Variants in MINDY3 observed in about 807,000 individuals in gnomAD.
MINDY3 encodes MINDY lysine 48 deubiquitinase 3.
MINDY3 carries 38 observed loss-of-function variants against 69.2 expected under a neutral mutation model. That is an observed-to-expected ratio of 0.55 (90% CI 0.42 to 0.72). The LOEUF (loss-of-function observed/expected upper bound fraction) is 0.72. MINDY3 is among the 30% of genes least tolerant of loss of function. MINDY3 has a pLI of 0.00. For missense variants in MINDY3, 522 were observed against 519.0 expected (o/e 1.01, Z -0.06); for synonymous variants, 192 against 180.1 (o/e 1.07, Z -0.53).
intron 14 of MINDY3, 140 bp from the exon 15 acceptor site, chr10:15,779,281 A>G (rs1222340935): frequency 8.2e-6 from 5 of 606,808 alleles, no homozygotes; most frequent in East Asian, 6.2e-5. Context: ...TTATTTTGCT[A>G]GAAATGAGAA....
At chr10:15,816,995 A>T in intron 9 of MINDY3, 80 bp from the exon 10 acceptor site, 1 of 1,035,742 alleles carries the variant, frequency 9.7e-7, no homozygotes, top group South Asian at 1.4e-5. Context: ...AAATATCTGA[A>T]GCATAAAGTG....
intron 2 of MINDY3, among the ~76,000 whole-genome samples, chr10:15,844,798 A>G (rs1484175023): frequency 6.6e-6 from 1 of 152,152 alleles, no homozygotes; most frequent in Non-Finnish European, 1.5e-5. Flanking sequence ...CCACCCTTAC[A>G]TGCACTGGCA....
intron 2 of MINDY3, among the ~76,000 whole-genome samples, 188 bp downstream of exon 2, chr10:15,847,676 T>C (rs137856571): frequency 5.9e-5 from 9 of 152,342 alleles, no homozygotes; most frequent in East Asian, 1.9e-4. Flanking sequence ...AAGGCTACTA[T>C]TGCACAACTC....
chr10:15,837,436 T>C, intron 5 of MINDY3, 118 bp from the exon 6 acceptor site: 2 of 1,263,776 alleles, frequency 1.6e-6, no homozygotes, highest in South Asian at 2.8e-5. Flanking sequence ...AGGAAAGTTT[T>C]GGGACGTTTC....
intron 12 of MINDY3, 146 bp downstream of exon 12, chr10:15,789,101 T>G: frequency 2.0e-6 from 1 of 506,498 alleles, no homozygotes. Context: ...TTGGATTAGT[T>G]CGATTTCTTA....
intron 6 of MINDY3, 24 bp downstream of exon 6, chr10:15,837,180 G>C (rs762101990): frequency 9.3e-6 from 13 of 1,404,586 alleles, no homozygotes; most frequent in Non-Finnish European, 1.2e-5. Flanking sequence ...ATCAAAGGCA[G>C]AAAAATCATC....
At chr10:15,843,045 C>T (rs914219927) in intron 3 of MINDY3, among the ~76,000 whole-genome samples, 167 bp downstream of exon 3, 3 of 151,764 alleles carry the variant, frequency 2.0e-5, no homozygotes, top group Non-Finnish European at 4.4e-5. Flanking sequence ...GGTTAGAAAG[C>T]CAAATTTGGA....
intron 8 of MINDY3, among the ~76,000 whole-genome samples, chr10:15,827,111 C>T (rs373037872): frequency 9.4e-4 from 136 of 144,576 alleles, no homozygotes; most frequent in African/African-American, 3.2e-3. Flanking sequence ...AGCGAGACCC[C>T]GTCTCTAAAA....
At chr10:15,810,511 A>G (rs1293532897) in intron 10 of MINDY3, among the ~76,000 whole-genome samples, 1 of 152,306 alleles carries the variant, frequency 6.6e-6, no homozygotes, top group Non-Finnish European at 1.5e-5. Flanking sequence ...TCCATGTAAG[A>G]TAGAGATCTA....
intron 10 of MINDY3, among the ~76,000 whole-genome samples, chr10:15,809,308 C>T (rs1194545551): frequency 2.0e-5 from 3 of 152,174 alleles, no homozygotes; most frequent in Admixed American, 2.0e-4. Flanking sequence ...ACACAGCCTT[C>T]ATCTAATAAG....
At chr10:15,842,629 A>C (rs1472989119) in intron 3 of MINDY3, among the ~76,000 whole-genome samples, 2 of 151,820 alleles carry the variant, frequency 1.3e-5, no homozygotes, top group African/African-American at 4.8e-5. Context: ...ATGTGTCCTA[A>C]CTTCTTCCAG....
intron 10 of MINDY3, among the ~76,000 whole-genome samples, chr10:15,816,397 G>A (rs1839373681): frequency 1.3e-5 from 2 of 151,614 alleles, no homozygotes; most frequent in South Asian, 4.2e-4. Context: ...TCTTAAAAGA[G>A]CATTTGACTT....
At chr10:15,816,950 A>G in intron 9 of MINDY3, 35 bp from the exon 10 acceptor site, 1 of 1,498,084 alleles carries the variant, frequency 6.7e-7, no homozygotes, top group South Asian at 1.2e-5. Context: ...ACAAATAAAC[A>G]AATTAAAAAT....
chr10:15,796,309 GA>G, intron 10 of MINDY3, 137 bp from the exon 11 acceptor site: 1 of 677,428 alleles, frequency 1.5e-6, no homozygotes, highest in Non-Finnish European at 2.6e-6. Context: ...GATGTGTAAC[GA>G]GATAGGTCAT....
chr10:15,803,842 A>G lies in MINDY3; in HGVS notation c.883-7670T>C, dbSNP rs77304738. On this transcript the variant is annotated intron_variant, in intron 10 of 14. Transcript: ENST00000277632. ...CCTACACTCCCCCACCACACACACA[A>G]AAAACCCCACGAATGATAATTAAGT... Among the ~76,000 whole-genome samples the G allele has an allele frequency of 1.8e-3, 281 of 152,208 alleles. 3 individuals carry two copies. In the East Asian group the frequency reaches 0.044, roughly 24 times the overall value.
intron 10 of MINDY3, among the ~76,000 whole-genome samples, chr10:15,800,052 T>C (rs966514575): frequency 6.6e-6 from 1 of 152,128 alleles, no homozygotes; most frequent in Admixed American, 6.6e-5. Context: ...GGTCCACTTA[T>C]ATGTGAATTT....
At chr10:15,831,403 A>G (rs1355285002) in intron 8 of MINDY3, among the ~76,000 whole-genome samples, 1 of 152,200 alleles carries the variant, frequency 6.6e-6, no homozygotes, top group African/African-American at 2.4e-5. Flanking sequence ...TTGATGACTG[A>G]ACATTCGCTT....
chr10:15,849,524 T>A (rs1400088898), intron 1 of MINDY3, among the ~76,000 whole-genome samples: 2 of 151,828 alleles, frequency 1.3e-5, no homozygotes, highest in Non-Finnish European at 2.9e-5. Flanking sequence ...ATAGAGATGA[T>A]GCTGACGTAA....
At chr10:15,780,188 T>C (rs1320965891) in intron 14 of MINDY3, among the ~76,000 whole-genome samples, 3 of 152,212 alleles carry the variant, frequency 2.0e-5, no homozygotes, top group African/African-American at 7.2e-5. Flanking sequence ...TAAATGGTAG[T>C]TGCCTCTAAA....
Sources: gnomAD v4.1 joint callset for allele counts (sites outside exome capture counted in the v4.1 genomes callset) on GRCh38, gnomAD v4.1.1 for gene constraint, MANE v1.5 for transcripts, NCBI Gene and HGNC (gene_info 2026-07-23, HGNC 2026-07-21) for gene names.